The following KL variants were observed in gnomAD, a reference collection of about 807,000 sequenced individuals.
The protein encoded by KL is alpha-klotho.
KL carries 62 observed loss-of-function variants against 84.2 expected under a neutral mutation model. The observed-to-expected ratio is 0.74, with a 90% confidence interval of 0.60 to 0.91. The LOEUF (loss-of-function observed/expected upper bound fraction) is 0.91. Among genes scored for constraint, KL ranks in the 40% least tolerant of loss-of-function variants. KL has a pLI of 0.00. For missense variants in KL, 1,261 were observed against 1,305.7 expected, an observed-to-expected ratio of 0.97 and a Z score of 0.53; for synonymous variants, 528 against 528.0, an observed-to-expected ratio of 1.00 and a Z score of 0.00.
intron 1 of KL, among the ~76,000 whole-genome samples, chr13:33,024,837 G>C (rs1260203748): frequency 6.6e-6 from 1 of 152,164 alleles, no homozygotes; most frequent in Admixed American, 6.5e-5. Context: ...TGGTAGGGGC[G>C]TCTCACTCCC....
At chr13:33,029,244 C>T (rs1293609779) in intron 1 of KL, among the ~76,000 whole-genome samples, 1 of 152,088 alleles carries the variant, frequency 6.6e-6, no homozygotes, top group African/African-American at 2.4e-5. Context: ...AGATTAATGC[C>T]TTTGTGAGTT....
upstream of KL, chr13:33,016,383 C>G: frequency 1.1e-5 from 2 of 183,488 alleles, no homozygotes; most frequent in Non-Finnish European, 1.9e-5. Flanking sequence ...GCGGGCGCGG[C>G]GGGGCGCGGG....
intron 4 of KL, 74 bp downstream of exon 4, chr13:33,061,854 A>G: frequency 7.0e-7 from 1 of 1,435,132 alleles, no homozygotes; most frequent in Non-Finnish European, 9.7e-7. Context: ...TAAATCTCCA[A>G]CATCAACACA....
Position 33,060,833 on chromosome 13 carries a change from T to C in KL, c.1754T>C (p.Leu585Pro), listed in dbSNP as rs1310936037. 6.2e-7 allele frequency: 1 copy of C among 1,614,214 alleles called. No individual in the cohort carries two copies. The highest frequency in any genetic ancestry group is 2.2e-5 in the East Asian group (1 of 44,884). Residue 585 changes from leucine (L) to proline (P), a missense_variant, in exon 4 of 5, where the codon CTC becomes CCC. Coordinates refer to ENST00000380099, the MANE Select transcript of KL (RefSeq NM_004795.4). The stretch of plus-strand genomic sequence containing the variant: ...GCCATCCAGCCCCAGATCGCTTTAC[T>C]CCAGGAAATGCACGTTACACATTTT... ...FAAIQPQIAL[L>P]QEMHVTHFRF...
At chr13:33,040,769 C>T (rs2138213588) in intron 1 of KL, among the ~76,000 whole-genome samples, 1 of 152,268 alleles carries the variant, frequency 6.6e-6, no homozygotes, top group Non-Finnish European at 1.5e-5. Flanking sequence ...GCTTCATATA[C>T]TCAGCTGAGT....
At chr13:33,048,667 T>C (rs1871628464) in intron 1 of KL, among the ~76,000 whole-genome samples, 1 of 152,202 alleles carries the variant, frequency 6.6e-6, no homozygotes, top group Non-Finnish European at 1.5e-5. Flanking sequence ...GCAATACTGC[T>C]GTGTATTGTG....
At chr13:33,044,635 A>AT (rs1871453892) in intron 1 of KL, among the ~76,000 whole-genome samples, 5 of 72,264 alleles carry the variant, frequency 6.9e-5, no homozygotes, top group African/African-American at 1.7e-4. Flanking sequence ...AATGCAATTG[A>AT]TTTTCTTTTT....
intron 1 of KL, among the ~76,000 whole-genome samples, chr13:33,042,902 G>A (rs558121893): frequency 1.3e-5 from 2 of 152,218 alleles, no homozygotes; most frequent in African/African-American, 2.4e-5. Context: ...GGCTGGTCTC[G>A]AAGTCCTGAC....
At chr13:33,037,240 T>C (rs1871170841) in intron 1 of KL, among the ~76,000 whole-genome samples, 1 of 152,156 alleles carries the variant, frequency 6.6e-6, no homozygotes, top group South Asian at 2.1e-4. Flanking sequence ...ATCCAACATA[T>C]AATAGGTGTT....
chr13:33,031,235 T>C (rs1355775558), intron 1 of KL, among the ~76,000 whole-genome samples: 1 of 151,908 alleles, frequency 6.6e-6, no homozygotes, highest in African/African-American at 2.4e-5. Flanking sequence ...TAGGAAGAAA[T>C]AGTATATAGA....
chr13:33,065,094 G>A lies in KL; in HGVS notation c.*908G>A. The A allele has an allele frequency of 4.4e-6, 1 of 227,172 alleles. No individual in the cohort carries two copies. Among genetic ancestry groups the A allele is most frequent in the Non-Finnish European group, 8.8e-6 (1 of 114,054 alleles). 14.1% of individuals were successfully genotyped at this position (227,172 alleles called of 1,614,324 possible). On this transcript the variant is annotated 3_prime_UTR_variant, in exon 5 of 5. Transcript: ENST00000380099. ...ACCATTTTTGAGCAGATCTTGGAAT[G>A]AATGACATGACCTTTCCCTAGAGAA...
At chr13:33,061,817 A>G (rs1872219842) in intron 4 of KL, 37 bp downstream of exon 4, 1 of 1,602,868 alleles carries the variant, frequency 6.2e-7, no homozygotes, top group Admixed American at 1.7e-5. Flanking sequence ...CCTGAAGGTT[A>G]TGTCACCAGA....
At chr13:33,057,937 C>T (rs1300589482) in intron 3 of KL, among the ~76,000 whole-genome samples, 4 of 152,198 alleles carry the variant, frequency 2.6e-5, no homozygotes, top group African/African-American at 7.2e-5. Flanking sequence ...CATCTTTTCC[C>T]TCCTGGCTAG....
intron 1 of KL, among the ~76,000 whole-genome samples, chr13:33,041,579 T>C (rs1056163720): frequency 1.2e-4 from 18 of 152,170 alleles, no homozygotes; most frequent in African/African-American, 4.1e-4. Context: ...CATGAGGTGC[T>C]ATTACTATCC....
chr13:33,044,894 T>G (rs9527008), intron 1 of KL, among the ~76,000 whole-genome samples: 25,569 of 152,016 alleles, frequency 0.17, 2,229 homozygotes, highest in African/African-American at 0.22. Flanking sequence ...AGTTTTTCTG[T>G]TTTTTTAAAA....
At chr13:33,022,042 G>A (rs1365530074) in intron 1 of KL, among the ~76,000 whole-genome samples, 1 of 152,062 alleles carries the variant, frequency 6.6e-6, no homozygotes, top group Non-Finnish European at 1.5e-5. Flanking sequence ...ATTGTTTTTT[G>A]AAGGTTACAG....
chr13:33,059,129 T>C (rs771758913), intron 3 of KL, among the ~76,000 whole-genome samples: 1 of 152,196 alleles, frequency 6.6e-6, no homozygotes, highest in Admixed American at 6.5e-5. Context: ...ATACAGAGCA[T>C]CAGACCAAGG....
chr13:33,016,757 A>G lies in KL; in HGVS notation c.317A>G (p.Asn106Ser), dbSNP rs774484457. 1 of 1,611,646 alleles carries G rather than the reference A, an allele frequency of 6.2e-7. No homozygotes were observed. The highest frequency in any genetic ancestry group is 8.5e-7 in the Non-Finnish European group (1 of 1,179,402). Residue 106 changes from asparagine (N) to serine (S), a missense_variant, in exon 1 of 5, where the codon AAC becomes AGC. Transcript: ENST00000380099. Reference sequence around the variant, plus strand: ...CTGGCACCCCCGGGAGACTCCCGGAACGCCAGTCTGCCGTTGGGCGCCCCG... The same window carrying G: ...CTGGCACCCCCGGGAGACTCCCGGAGCGCCAGTCTGCCGTTGGGCGCCCCG... ...HPLAPPGDSR[N>S]ASLPLGAPSP...
intron 1 of KL, among the ~76,000 whole-genome samples, chr13:33,048,640 T>C (rs928171516): frequency 2.6e-5 from 4 of 152,228 alleles, no homozygotes; most frequent in African/African-American, 9.6e-5. Flanking sequence ...ATCATTGCTT[T>C]CTTCCTTTTC....
Sources: gnomAD v4.1 joint callset for allele counts (sites outside exome capture counted in the v4.1 genomes callset) on GRCh38, gnomAD v4.1.1 for gene constraint, MANE v1.5 for transcripts, NCBI Gene and HGNC (gene_info 2026-07-23, HGNC 2026-07-21) for gene names.